The following FHIT variants were observed in gnomAD, a reference collection of about 807,000 sequenced individuals.
The protein encoded by FHIT is bis(5'-adenosyl)-triphosphatase.
Under a neutral mutation model 17.9 loss-of-function variants are expected in FHIT, and 19 were observed. The ratio of observed to expected loss-of-function variants is 1.06; its 90% CI spans 0.74 to 1.56. The LOEUF (loss-of-function observed/expected upper bound fraction) is 1.56. FHIT is among the 40% of genes most tolerant of loss of function. FHIT has a pLI of 0.00. For synonymous variants in FHIT, 81 were observed against 69.7 expected, an observed-to-expected ratio of 1.16 and a Z score of -0.81; for missense variants, 248 against 189.2, an observed-to-expected ratio of 1.31 and a Z score of -1.82.
At chr3:61,033,292 T>C (rs1173493860) in intron 3 of FHIT, among the ~76,000 whole-genome samples, 1 of 152,218 alleles carries the variant, frequency 6.6e-6, no homozygotes, top group Non-Finnish European at 1.5e-5. Flanking sequence ...ATATTGTCTA[T>C]GGCTGCTTTT....
intron 3 of FHIT, among the ~76,000 whole-genome samples, chr3:60,859,451 G>C (rs1041638963): frequency 1.3e-5 from 2 of 152,068 alleles, no homozygotes; most frequent in African/African-American, 4.8e-5. Context: ...CACACAGGTA[G>C]ACCGCATTTC....
chr3:61,068,742 A>G (rs530371787), intron 2 of FHIT, among the ~76,000 whole-genome samples: 1 of 152,214 alleles, frequency 6.6e-6, no homozygotes, highest in African/African-American at 2.4e-5. Context: ...AGAACCACCA[A>G]TATAGAAAAT....
rs1456488913 is a variant in FHIT, at chr3:61,245,512, TACTG to T, written c.-213+5785_-213+5788del. Among the ~76,000 whole-genome samples the T allele has an allele frequency of 2.0e-5, 3 of 152,324 alleles. No individual in the cohort carries two copies. The East Asian group carries it at 5.8e-4, about 29-fold the overall frequency. ...ACCAGCAGCATCAGTCTGTTAGAAA[TACTG>T]ACTCTCTGATCCTTTCCAGGTCTTT... On this transcript the variant is annotated intron_variant, in intron 1 of 9. Transcript: ENST00000492590.
intron 8 of FHIT, among the ~76,000 whole-genome samples, chr3:59,760,151 A>C (rs187625414): frequency 3.0e-4 from 45 of 152,310 alleles, no homozygotes; most frequent in Middle Eastern, 3.4e-3. Flanking sequence ...AACTTACTTG[A>C]GTAAAAGCAA....
intron 5 of FHIT, among the ~76,000 whole-genome samples, chr3:60,087,416 C>G (rs572979861): frequency 6.6e-6 from 1 of 152,346 alleles, no homozygotes; most frequent in South Asian, 2.1e-4. Flanking sequence ...GATTCCTCTT[C>G]TGAAAATGTT....
chr3:59,888,461 T>C (rs1374568393), intron 8 of FHIT, among the ~76,000 whole-genome samples: 1 of 152,248 alleles, frequency 6.6e-6, no homozygotes, highest in Admixed American at 6.5e-5. Context: ...AAGTGAACTA[T>C]ACAATAAGCA....
At chr3:60,008,583 T>C (rs1575871528) in intron 7 of FHIT, among the ~76,000 whole-genome samples, 4 of 152,166 alleles carry the variant, frequency 2.6e-5, no homozygotes, top group African/African-American at 7.2e-5. Context: ...ACTGGGCTTA[T>C]TGCTATTACC....
chr3:60,666,892 C>T lies in FHIT; in HGVS notation c.-17-129913G>A, dbSNP rs1338574744. ...TTTTTTTTTTTTTGAGACAGAGTCT[C>T]ACTTTATTATACAGGGCAGTGACAT... On this transcript the variant is annotated intron_variant, in intron 4 of 9. Coordinates refer to ENST00000492590, the MANE Select transcript of FHIT (RefSeq NM_002012.4). Among the ~76,000 whole-genome samples, 5 of 121,846 alleles carry T rather than the reference C, an allele frequency of 4.1e-5. No individual in the cohort carries two copies. In the South Asian group the frequency reaches 1.0e-3, roughly 25 times the overall value. The allele number at this position is 121,846 out of a possible 152,430, so 79.9% of individuals were successfully genotyped here. A position where few individuals can be genotyped will look rare whatever the true frequency, so the allele number is the denominator to read the frequency against.
At chr3:61,082,664 GA>G (rs2035177466) in intron 2 of FHIT, among the ~76,000 whole-genome samples, 1 of 152,142 alleles carries the variant, frequency 6.6e-6, no homozygotes, top group Admixed American at 6.5e-5. Flanking sequence ...ACCACTGTAT[GA>G]TAGTTCCAGT....
intron 5 of FHIT, among the ~76,000 whole-genome samples, chr3:60,207,203 T>C (rs1212906902): frequency 6.6e-6 from 1 of 151,736 alleles, no homozygotes; most frequent in Non-Finnish European, 1.5e-5. Context: ...CCAATAAACA[T>C]CCAGAAAAAA....
chr3:60,789,068 T>A (rs1553727753), intron 4 of FHIT, among the ~76,000 whole-genome samples: 2 of 150,058 alleles, frequency 1.3e-5, no homozygotes, highest in African/African-American at 4.9e-5. Context: ...TGAAAAAAAA[T>A]ATATACATAT....
intron 4 of FHIT, among the ~76,000 whole-genome samples, chr3:60,707,113 T>C (rs1479144984): frequency 1.3e-5 from 2 of 152,200 alleles, no homozygotes; most frequent in African/African-American, 4.8e-5. Context: ...TCTGTAGGCA[T>C]GACTGGCACC....
chr3:60,905,873 G>C (rs1433312485), intron 3 of FHIT, among the ~76,000 whole-genome samples: 1 of 152,146 alleles, frequency 6.6e-6, no homozygotes, highest in African/African-American at 2.4e-5. Flanking sequence ...GGTAGGGATG[G>C]AGTGGGACTT....
chr3:60,790,438 A>C (rs1700734343), intron 4 of FHIT, among the ~76,000 whole-genome samples: 1 of 152,192 alleles, frequency 6.6e-6, no homozygotes, highest in South Asian at 2.1e-4. Flanking sequence ...CTCACTGATA[A>C]ATTTTCAACT....
intron 2 of FHIT, among the ~76,000 whole-genome samples, chr3:61,145,550 G>GA (rs796825489): frequency 1.5e-4 from 22 of 151,492 alleles, no homozygotes; most frequent in African/African-American, 5.3e-4. Context: ...ACTTTCTGGG[G>GA]AAAAAAATAA....
At chr3:60,818,019 C>T (rs2106750557) in intron 4 of FHIT, among the ~76,000 whole-genome samples, 1 of 152,082 alleles carries the variant, frequency 6.6e-6, no homozygotes, top group East Asian at 1.9e-4. Context: ...TAACACTTTC[C>T]TTTGTTTCCT....
At chr3:60,741,571 G>T (rs1415500829) in intron 4 of FHIT, among the ~76,000 whole-genome samples, 1 of 152,214 alleles carries the variant, frequency 6.6e-6, no homozygotes, top group Non-Finnish European at 1.5e-5. Flanking sequence ...CTTTACATCT[G>T]TCACTATCTG....
intron 7 of FHIT, among the ~76,000 whole-genome samples, chr3:59,989,722 G>A (rs1010956201): frequency 2.0e-5 from 3 of 152,020 alleles, no homozygotes; most frequent in Non-Finnish European, 2.9e-5. Flanking sequence ...CAGGGAACGT[G>A]AAGCTTCCTC....
At chr3:61,249,558 G>A (rs2040563593) in intron 1 of FHIT, among the ~76,000 whole-genome samples, 1 of 152,090 alleles carries the variant, frequency 6.6e-6, no homozygotes, top group African/African-American at 2.4e-5. Flanking sequence ...TTAAGCAGAA[G>A]GGCTTACAGT....
Sources: allele counts gnomAD v4.1 joint callset (sites outside exome capture counted in the v4.1 genomes callset), GRCh38; gene constraint gnomAD v4.1.1; transcripts MANE v1.5; gene names NCBI Gene and HGNC (gene_info 2026-07-23, HGNC 2026-07-21).